GNAL: variants seen among roughly 807,000 people sequenced by gnomAD.
GNAL encodes guanine nucleotide-binding protein G(olf) subunit alpha.
A neutral mutation model predicts 55.1 loss-of-function variants in GNAL; 18 were observed. That is an observed-to-expected ratio of 0.33 (90% CI 0.23 to 0.48). GNAL has a LOEUF of 0.48. GNAL is among the 20% of genes least tolerant of loss of function. The pLI, the probability that GNAL is intolerant of heterozygous loss-of-function variation, is 0.99. For synonymous variants in GNAL, 253 were observed against 237.0 expected (o/e 1.07, Z -0.62); for missense variants, 412 against 614.1 (o/e 0.67, Z 3.48).
At chr18:11,803,333 A>T (rs1423566989) in intron 4 of GNAL, among the ~76,000 whole-genome samples, 1 of 152,176 alleles carries the variant, frequency 6.6e-6, no homozygotes, top group Non-Finnish European at 1.5e-5. Context: ...TCCTTCTGTG[A>T]CAGGCTCATG....
rs2848466 is a variant in GNAL, at chr18:11,871,543, G to A, written c.1032-725G>A. 1.5e-4 allele frequency among the ~76,000 whole-genome samples: 23 copies of A among 151,810 alleles called. No homozygotes were observed. The East Asian group carries it at 3.7e-3, about 24-fold the overall frequency. ...GGATTACAGGCGTGAGCCACCACAC[G>A]TGGCCAAATTGTGTTATTAATTGAT... On this transcript the variant is annotated intron_variant, in intron 9 of 11. Coordinates refer to ENST00000334049, the MANE Select transcript of GNAL (RefSeq NM_182978.4).
chr18:11,722,837 C>T (rs953064006), intron 1 of GNAL, among the ~76,000 whole-genome samples: 6 of 152,116 alleles, frequency 3.9e-5, no homozygotes, highest in Non-Finnish European at 7.4e-5. Flanking sequence ...CATGGAGAAA[C>T]CCTGTCTCTA....
Position 11,885,397 on chromosome 18 carries a change from A to G in GNAL, c.*4262A>G, listed in dbSNP as rs998276372. 19 of 427,946 alleles carry G rather than the reference A, an allele frequency of 4.4e-5. No individual in the cohort carries two copies. Among genetic ancestry groups the G allele is most frequent in the Non-Finnish European group, 7.1e-5 (17 of 238,026 alleles). 26.5% of individuals were successfully genotyped at this position (427,946 alleles called of 1,614,324 possible). A position where few individuals can be genotyped will look rare whatever the true frequency, so the allele number is the denominator to read the frequency against. ...TTTCTTTAGAAAATTAAACACACAC[A>G]GAGTGTAAGAGGAGAGGATACGGCC... On this transcript the variant is annotated 3_prime_UTR_variant, in exon 12 of 12. Coordinates refer to ENST00000334049, the MANE Select transcript of GNAL (RefSeq NM_182978.4).
rs1325479003 is a variant in GNAL at position 11,822,744 on chromosome 18, C to T, written c.625-2174C>T. Among the ~76,000 whole-genome samples, 4 of 152,046 alleles carry T rather than the reference C, an allele frequency of 2.6e-5. No homozygotes were observed. In the East Asian group the frequency reaches 7.7e-4, roughly 29 times the overall value. On this transcript the variant is annotated intron_variant, in intron 4 of 11. Transcript: ENST00000334049. Reference sequence around the variant, plus strand: ...CTGGTTGGGTAGTAGGGTGACCACACGACCGTACCCCACACGGTTTGGAGC... The same window carrying T: ...CTGGTTGGGTAGTAGGGTGACCACATGACCGTACCCCACACGGTTTGGAGC...
intron 4 of GNAL, among the ~76,000 whole-genome samples, chr18:11,767,000 A>G (rs901128149): frequency 9.9e-5 from 15 of 152,148 alleles, no homozygotes; most frequent in Admixed American, 2.6e-4. Context: ...TTCCTGTTCA[A>G]TCTGTACCCA....
Position 11,768,765 on chromosome 18 carries a change from G to A in GNAL, c.624+14820G>A, listed in dbSNP as rs550230570. Among the ~76,000 whole-genome samples, 716 of 142,074 alleles carry A rather than the reference G, an allele frequency of 5.0e-3. 2 individuals are homozygous for A. Among genetic ancestry groups the A allele is most frequent in the Non-Finnish European group, 7.9e-3 (518 of 65,612 alleles). The allele number at this position is 142,074 out of a possible 152,430, so 93.2% of individuals were successfully genotyped here. ...AAAAATTAGCCAGGCCTGGTGGCAG[G>A]CGCCTGTAGTCCCAGCTACTCGGGA... is the stretch of plus-strand genomic sequence containing the variant. On this transcript the variant is annotated intron_variant, in intron 4 of 11. Coordinates refer to ENST00000334049, the MANE Select transcript of GNAL (RefSeq NM_182978.4).
At chr18:11,723,759 C>T (rs550331532) in intron 1 of GNAL, among the ~76,000 whole-genome samples, 4 of 152,298 alleles carry the variant, frequency 2.6e-5, no homozygotes, top group East Asian at 3.9e-4. Context: ...CTTCTGTCCT[C>T]GGGCCCTGGG....
At chr18:11,695,858 G>A (rs2031389594) in intron 1 of GNAL, among the ~76,000 whole-genome samples, 1 of 151,952 alleles carries the variant, frequency 6.6e-6, no homozygotes, top group South Asian at 2.1e-4. Context: ...ATTTTAATCT[G>A]TGTCTTTAGT....
At chr18:11,789,607 T>C (rs1197302458) in intron 4 of GNAL, among the ~76,000 whole-genome samples, 3 of 152,246 alleles carry the variant, frequency 2.0e-5, no homozygotes, top group Non-Finnish European at 4.4e-5. Context: ...ATTGTATAGA[T>C]TATAAGCATA....
At chr18:11,708,603 C>T (rs1280549530) in intron 1 of GNAL, among the ~76,000 whole-genome samples, 1 of 152,184 alleles carries the variant, frequency 6.6e-6, no homozygotes, top group Non-Finnish European at 1.5e-5. Context: ...TAGACTTGCT[C>T]AACACAAGGT....
intron 1 of GNAL, among the ~76,000 whole-genome samples, chr18:11,711,069 GT>G (rs1567994102): frequency 6.6e-6 from 1 of 152,100 alleles, no homozygotes; most frequent in African/African-American, 2.4e-5. Context: ...TAGAGACGAG[GT>G]TTCACCGTGT....
chr18:11,788,807 G>T (rs2083723739), intron 4 of GNAL, among the ~76,000 whole-genome samples: 1 of 148,968 alleles, frequency 6.7e-6, no homozygotes, highest in Non-Finnish European at 1.5e-5. Context: ...TGAGGCAGGA[G>T]AATCGCTTGA....
intron 5 of GNAL, among the ~76,000 whole-genome samples, chr18:11,839,313 G>C (rs1363568654): frequency 6.6e-6 from 1 of 151,936 alleles, no homozygotes; most frequent in Non-Finnish European, 1.5e-5. Flanking sequence ...GGAGGCCAAG[G>C]CAGGAGGATC....
At chr18:11,734,780 TG>T (rs2032423962) in intron 1 of GNAL, among the ~76,000 whole-genome samples, 2 of 150,746 alleles carry the variant, frequency 1.3e-5, no homozygotes, top group East Asian at 2.0e-4. Context: ...AAATAGCCTT[TG>T]GGGGGATTTA....
intron 7 of GNAL, 40 bp from the exon 8 acceptor site, chr18:11,867,128 G>C (rs1380392953): frequency 1.3e-6 from 2 of 1,521,204 alleles, no homozygotes; most frequent in East Asian, 4.5e-5. Flanking sequence ...ATTGTCCCCT[G>C]CTTCCCCCAA....
At chr18:11,825,729 CAAAAAAAAAAA>C (rs60460793) in intron 5 of GNAL, among the ~76,000 whole-genome samples, 1 of 76,928 alleles carries the variant, frequency 1.3e-5, no homozygotes, top group Non-Finnish European at 2.4e-5. Context: ...GACTCTGTCT[CAAAAAAAAAAA>C]AAAAAAAAAG....
chr18:11,727,352 T>G (rs775907431), intron 1 of GNAL, among the ~76,000 whole-genome samples: 6 of 152,230 alleles, frequency 3.9e-5, no homozygotes, highest in African/African-American at 1.4e-4. Context: ...GGCCGTCTTT[T>G]TATTTCTTTA....
intron 4 of GNAL, among the ~76,000 whole-genome samples, chr18:11,793,305 G>A (rs528871900): frequency 1.3e-5 from 2 of 152,358 alleles, no homozygotes; most frequent in East Asian, 3.9e-4. Flanking sequence ...CTTGGGTGCA[G>A]TGGCTCATGC....
At chr18:11,735,059 G>T (rs552767651) in intron 1 of GNAL, among the ~76,000 whole-genome samples, 181 of 149,838 alleles carry the variant, frequency 1.2e-3, no homozygotes, top group African/African-American at 2.8e-3. Context: ...TTTTGTGGGG[G>T]TTTTTTTTGA....
Sources: gnomAD v4.1 joint callset for allele counts (sites outside exome capture counted in the v4.1 genomes callset) on GRCh38, gnomAD v4.1.1 for gene constraint, MANE v1.5 for transcripts, NCBI Gene and HGNC (gene_info 2026-07-23, HGNC 2026-07-21) for gene names.